NEB: variants seen among roughly 807,000 people sequenced by gnomAD.
NEB encodes nebulin, also known as nemaline myopathy type 2.
In NEB, 512 loss-of-function variants were observed where a neutral mutation model predicts 952.2. The ratio of observed to expected loss-of-function variants is 0.54; its 90% confidence interval spans 0.50 to 0.58. The LOEUF is 0.58. Ranked by LOEUF, NEB falls within the 20% of genes least tolerant of loss-of-function variation. The pLI, the probability that NEB is intolerant of heterozygous loss-of-function variation, is 0.00. For synonymous variants in NEB, 2,900 were observed against 3,149.8 expected (o/e 0.92, Z 2.66); for missense variants, 8,428 against 9,231.1 (o/e 0.91, Z 3.56).
chr2:151,569,475 G>A (rs1374265685), intron 109 of NEB, 103 bp from the exon 110 acceptor site: 1 of 883,408 alleles, frequency 1.1e-6, no homozygotes, highest in Non-Finnish European at 1.9e-6. Context: ...TGCTATATAA[G>A]CCAAGGAGGA....
chr2:151,725,921 C>T (rs886591828), intron 5 of NEB, among the ~76,000 whole-genome samples: 2 of 151,988 alleles, frequency 1.3e-5, no homozygotes, highest in African/African-American at 4.8e-5. Context: ...GATTTGAGTG[C>T]TAATACAATG....
At chr2:151,487,992 C>G (rs1461163927) in intron 181 of NEB, among the ~76,000 whole-genome samples, 3 of 151,998 alleles carry the variant, frequency 2.0e-5, no homozygotes, top group Admixed American at 6.6e-5. Flanking sequence ...GTATTATGTA[C>G]TTTATCTTAT....
At position 151,497,072 on chromosome 2, in the gene NEB, T is replaced by C. The variant is rs746282239; in HGVS notation, c.24301-39A>G. ...AAGCAACCAGAAAAACAACCATGAG[T>C]AACATTTCATTTGTTGAAAGGTTTT... On this transcript the variant is annotated intron_variant, in intron 171 of 181. Transcript: ENST00000397345. 34 of 1,543,104 alleles carry C rather than the reference T, an allele frequency of 2.2e-5. 1 individual carries two copies. In the South Asian group the frequency reaches 3.8e-4, roughly 17 times the overall value.
At chr2:151,682,058 C>G (rs2099417743) in intron 29 of NEB, among the ~76,000 whole-genome samples, 2 of 152,154 alleles carry the variant, frequency 1.3e-5, no homozygotes, top group Middle Eastern at 3.4e-3. Flanking sequence ...TAAATCCATA[C>G]AAAAGATTTA....
chr2:151,561,253 C>A lies in NEB; in HGVS notation c.19056G>T (p.Thr6352=), dbSNP rs115631125. 5.9e-3 allele frequency: 9,514 copies of A among 1,608,264 alleles called. 66 individuals are homozygous for A. Among genetic ancestry groups the A allele is most frequent in the South Asian group, 0.017 (1,488 of 90,034 alleles). ...TCTGAACAGCAGTCACATAGAGGGG[C>A]GTGTCTGTGACCAGATTATAGTTTT... ...NLQNYNLVTD[T]PLYVTAVQSG... The change falls in exon 122 of 182, where the codon ACG becomes ACT. Residue 6352 remains threonine, a synonymous_variant. Coordinates refer to ENST00000397345, the MANE Select transcript of NEB (RefSeq NM_001164508.2).
chr2:151,689,390 G>A (rs1447868088), intron 24 of NEB: 2 of 151,556 alleles, frequency 1.3e-5, no homozygotes, highest in African/African-American at 4.8e-5. Flanking sequence ...TTTTTTTGTA[G>A]AGATGGGGTT....
intron 107 of NEB, among the ~76,000 whole-genome samples, chr2:151,571,303 T>C (rs978310296): frequency 1.3e-5 from 2 of 152,218 alleles, no homozygotes; most frequent in African/African-American, 4.8e-5. Context: ...TGTTTTCAAA[T>C]GTACAATAAA....
intron 27 of NEB, 76 bp from the exon 28 acceptor site, chr2:151,685,051 C>A (rs2099483681): frequency 4.3e-6 from 6 of 1,381,162 alleles, no homozygotes; most frequent in Non-Finnish European, 6.0e-6. Flanking sequence ...CTTTCATAAA[C>A]AATAAATACA....
rs1576220774 is a variant in NEB at position 151,683,077 on chromosome 2, A to G, written c.2836-308T>C. On this transcript the variant is annotated intron_variant, in intron 28 of 181. Transcript: ENST00000397345. ...ACTTCAAAGAGTAAGTGAAATTGTC[A>G]GTTAACCAAATGTGAGACGTTTGTT... Among the ~76,000 whole-genome samples, 4 of 152,218 alleles carry G rather than the reference A, an allele frequency of 2.6e-5. No homozygotes were observed. The East Asian group carries it at 5.8e-4, about 22-fold the overall frequency.
At chr2:151,610,381 G>A in intron 80 of NEB, 135 bp downstream of exon 80, 1 of 745,184 alleles carries the variant, frequency 1.3e-6, no homozygotes, top group Non-Finnish European at 2.3e-6. Context: ...AACAACAAAG[G>A]GAATGGTCTT....
intron 12 of NEB, among the ~76,000 whole-genome samples, chr2:151,708,566 C>T (rs976719362): frequency 6.6e-6 from 1 of 152,156 alleles, no homozygotes; most frequent in African/African-American, 2.4e-5. Flanking sequence ...TTTCTGTTTA[C>T]ACTCACTCCC....
intron 51 of NEB, 42 bp from the exon 52 acceptor site, chr2:151,654,141 A>C (rs751617454): frequency 7.4e-5 from 94 of 1,277,782 alleles, no homozygotes; most frequent in Non-Finnish European, 9.9e-5. Context: ...CTGTCTATAT[A>C]AAGAATATCA....
chr2:151,682,671 G>A lies in NEB; in HGVS notation c.2934C>T (p.Ile978=). 6.2e-7 allele frequency: 1 copy of A among 1,611,752 alleles called. No individual in the cohort carries two copies. The highest frequency in any genetic ancestry group is 8.5e-7 in the Non-Finnish European group (1 of 1,178,476). ...EMEKAKRASD[I]LNEKKYRQHP... ...CACCCAGTGGCTTTACCTCATTGAGGATGTCTGAAGCTCGCTTTGCCTTTT... is the reference window on the plus strand; with the variant it reads ...CACCCAGTGGCTTTACCTCATTGAGAATGTCTGAAGCTCGCTTTGCCTTTT... Residue 978 remains isoleucine, a synonymous_variant, in exon 29 of 182, where the codon ATC becomes ATT. Coordinates refer to ENST00000397345, the MANE Select transcript of NEB (RefSeq NM_001164508.2).
Position 151,514,406 on chromosome 2 carries a change from T to G in NEB, c.23039A>C (p.Glu7680Ala), listed in dbSNP as rs2076434264. ...ASEKEYRKDL[E>A]ESIRGKGLTE... is the part of the protein sequence containing the mutation. Reference sequence around the variant, plus strand: ...GAGGCCCTTCCCACGGATGCTTTCCTCTAGATCTTTCCTGTACTCTTTCTA... The same window carrying G: ...GAGGCCCTTCCCACGGATGCTTTCCGCTAGATCTTTCCTGTACTCTTTCTA... The change falls in exon 159 of 182, where the codon GAG becomes GCG. Residue 7680 changes from glutamate to alanine, a missense_variant. Glu to Ala is a moderately radical substitution (Grantham distance 107). Around this residue, in one of 11 missense-constraint regions of NEB, gnomAD observed 3,374 missense variants for 3,651.5 expected, o/e 0.92. Coordinates refer to ENST00000397345, the MANE Select transcript of NEB (RefSeq NM_001164508.2). 2 of 1,612,638 alleles carry G rather than the reference T, an allele frequency of 1.2e-6. No individual in the cohort carries two copies. The highest frequency in any genetic ancestry group is 1.7e-6 in the Non-Finnish European group (2 of 1,178,676).
At position 151,524,361 on chromosome 2, in the gene NEB, C is replaced by T. The variant is rs764674361; in HGVS notation, c.22429G>A (p.Gly7477Ser). The T allele has an allele frequency of 1.1e-5, 18 of 1,613,926 alleles. No individual in the cohort carries two copies. In the Middle Eastern group the frequency reaches 5.0e-4, roughly 44 times the overall value. ...TTGGCCATTTCTATGTCTGGGCGACCGAGCATGCTTAAGCCATGGCTGCCT... is the reference window on the plus strand; with the variant it reads ...TTGGCCATTTCTATGTCTGGGCGACTGAGCATGCTTAAGCCATGGCTGCCT... The part of the protein sequence containing the change: ...KEGSHGLSML[G>S]RPDIEMAKKA... The change falls in exon 153 of 182, where the codon GGT (glycine) becomes AGT (serine). Residue 7477 changes from glycine (G) to serine (S), a missense_variant. Gly to Ser is a moderately conservative substitution (Grantham distance 56, BLOSUM62 0). Around this residue, in one of 11 missense-constraint regions of NEB, gnomAD observed 3,374 missense variants for 3,651.5 expected, o/e 0.92. Transcript: ENST00000397345.
chr2:151,723,500 G>A lies in NEB; in HGVS notation c.613-14C>T. 1 of 1,573,884 alleles carries A rather than the reference G, an allele frequency of 6.4e-7. No individual in the cohort carries two copies. The highest frequency in any genetic ancestry group is 1.1e-5 in the South Asian group (1 of 87,078). ...AGTGTACAGTTTCTAAATCAAAAAA[G>A]AGTGAAAAGTTAGGAGGAAGTAGGG... On this transcript the variant is annotated splice_polypyrimidine_tract_variant and intron_variant, in intron 8 of 181. Coordinates refer to ENST00000397345, the MANE Select transcript of NEB (RefSeq NM_001164508.2).
At chr2:151,550,177 G>A (rs969099041) in intron 129 of NEB, among the ~76,000 whole-genome samples, 2 of 148,864 alleles carry the variant, frequency 1.3e-5, no homozygotes, top group Non-Finnish European at 3.0e-5. Flanking sequence ...TAAGGTGGGA[G>A]GATCACTTGA....
intron 175 of NEB, 101 bp downstream of exon 175, chr2:151,493,674 T>C: frequency 1.0e-6 from 1 of 984,262 alleles, no homozygotes; most frequent in Non-Finnish European, 1.5e-6. Context: ...TTTTTAAAGA[T>C]ACACAAAAGT....
chr2:151,669,312 T>G (rs1389952349), intron 38 of NEB, among the ~76,000 whole-genome samples, 181 bp from the exon 39 acceptor site: 1 of 152,138 alleles, frequency 6.6e-6, no homozygotes, highest in Non-Finnish European at 1.5e-5. Flanking sequence ...CTACCAGTAT[T>G]TATTGGACAG....
Sources: allele counts gnomAD v4.1 joint callset (sites outside exome capture counted in the v4.1 genomes callset), GRCh38; gene constraint gnomAD v4.1.1; regional missense constraint gnomAD v4.1.1; transcripts MANE v1.5; gene names NCBI Gene and HGNC (gene_info 2026-07-23, HGNC 2026-07-21).